Variants in ADARB2 observed in about 807,000 individuals in gnomAD.
The protein encoded by ADARB2 is inactive double-stranded RNA-specific editase B2.
ADARB2 carries 25 observed loss-of-function variants against 62.2 expected under a neutral mutation model. That is an observed-to-expected ratio of 0.40 (90% CI 0.29 to 0.56). ADARB2 has a LOEUF of 0.56. Ranked by LOEUF, ADARB2 falls within the 20% of genes least tolerant of loss-of-function variation. ADARB2 has a pLI of 0.43. For synonymous variants in ADARB2, 572 were observed against 500.8 expected, an observed-to-expected ratio of 1.14 and a Z score of -1.90; for missense variants, 1,071 against 1,077.4, an observed-to-expected ratio of 0.99 and a Z score of 0.08.
intron 1 of ADARB2, among the ~76,000 whole-genome samples, chr10:1,546,072 G>T (rs1474389234): frequency 1.3e-5 from 2 of 151,428 alleles, no homozygotes; most frequent in African/African-American, 4.9e-5. Context: ...GGAAGAGCAA[G>T]ACACCAGCCC....
intron 1 of ADARB2, among the ~76,000 whole-genome samples, chr10:1,448,642 T>G (rs1362186149): frequency 2.0e-5 from 3 of 152,218 alleles, no homozygotes; most frequent in Non-Finnish European, 2.9e-5. Flanking sequence ...GTTAACATCT[T>G]TATTTCCTGC....
intron 6 of ADARB2, among the ~76,000 whole-genome samples, chr10:1,225,732 G>A (rs56155307): frequency 0.19 from 23,860 of 124,378 alleles, 3,549 homozygotes; most frequent in East Asian, 0.33. Flanking sequence ...AATGTCGAAT[G>A]TTGGTCCCCA....
At chr10:1,506,933 C>T (rs1831860285) in intron 1 of ADARB2, among the ~76,000 whole-genome samples, 1 of 152,220 alleles carries the variant, frequency 6.6e-6, no homozygotes, top group Admixed American at 6.5e-5. Flanking sequence ...GAGCAGGTGG[C>T]TGGCTGCAGG....
intron 1 of ADARB2, among the ~76,000 whole-genome samples, chr10:1,529,246 TC>T (rs1385969730): frequency 3.1e-4 from 43 of 137,828 alleles, no homozygotes; most frequent in South Asian, 1.3e-3. Flanking sequence ...AATCCTCCAA[TC>T]AGTCCACGCA....
chr10:1,674,976 GGGTTTGGGGGGTA>G (rs1381900453), intron 1 of ADARB2: 10 of 953,332 alleles, frequency 1.0e-5, no homozygotes, highest in Admixed American at 1.6e-4. Flanking sequence ...CTGGAGGTTT[GGGTTTGGGGGGTA>G]CATGGATATT....
intron 6 of ADARB2, among the ~76,000 whole-genome samples, chr10:1,225,381 C>T (rs1443911519): frequency 2.0e-5 from 3 of 151,976 alleles, no homozygotes; most frequent in Admixed American, 2.0e-4. Context: ...CCAGTCTGTG[C>T]CTTTTAATTG....
intron 1 of ADARB2, among the ~76,000 whole-genome samples, chr10:1,579,046 C>T (rs1349926439): frequency 6.6e-6 from 1 of 152,164 alleles, no homozygotes; most frequent in Non-Finnish European, 1.5e-5. Flanking sequence ...ATCAGGATAC[C>T]ACGAGGTGGG....
chr10:1,524,987 A>G (rs1016226723), intron 1 of ADARB2, among the ~76,000 whole-genome samples: 1 of 152,032 alleles, frequency 6.6e-6, no homozygotes, highest in Admixed American at 6.6e-5. Context: ...TTACCTTTCC[A>G]TTTTCACAGC....
intron 1 of ADARB2, among the ~76,000 whole-genome samples, chr10:1,479,611 C>T (rs1038945596): frequency 3.3e-5 from 5 of 152,018 alleles, no homozygotes; most frequent in African/African-American, 4.8e-5. Context: ...GGCATTTGGG[C>T]GTATGGAGGG....
In ADARB2 at chr10:1,217,006, C is replaced by A; in HGVS notation, c.1627G>T (p.Gly543Cys). Residue 543 changes from glycine (G) to cysteine (C), a missense_variant, in exon 7 of 10, where the codon GGC (glycine) becomes TGC (cysteine). Gly to Cys is a radical substitution (Grantham distance 159, BLOSUM62 -3). Transcript: ENST00000381312. ...ATCAGCTGCTCCCCCAGCAGGACGC[C>A]GTCCCAGGTCTGCACTGCGCTGGGG... ...RGPSAVQTWD[G>C]VLLGEQLITM... is the part of the protein sequence containing the mutation. 1 of 1,610,906 alleles carries A rather than the reference C, an allele frequency of 6.2e-7. No homozygotes were observed. Among genetic ancestry groups the A allele is most frequent in the South Asian group, 1.1e-5 (1 of 90,912 alleles).
At chr10:1,407,340 C>T (rs566469040) in intron 1 of ADARB2, among the ~76,000 whole-genome samples, 1 of 152,148 alleles carries the variant, frequency 6.6e-6, no homozygotes, top group African/African-American at 2.4e-5. Context: ...GTCCCGGGTC[C>T]GACGTCTCCG....
chr10:1,675,563 G>C lies in ADARB2; in HGVS notation c.100+61488C>G. 1.3e-5 allele frequency among the ~76,000 whole-genome samples: 2 copies of C among 151,716 alleles called. 1 individual carries two copies. The highest frequency in any genetic ancestry group is 2.9e-5 in the Non-Finnish European group (2 of 67,914). On this transcript the variant is annotated intron_variant, in intron 1 of 9. Transcript: ENST00000381312. The stretch of plus-strand genomic sequence containing the variant: ...GGTTTGGGGGTACATGGATGTTCTG[G>C]AGGTTTGGGTTCAGGGATGCACGGA...
intron 3 of ADARB2, among the ~76,000 whole-genome samples, chr10:1,305,877 A>G (rs1831622357): frequency 1.3e-5 from 2 of 151,116 alleles, no homozygotes; most frequent in Non-Finnish European, 1.5e-5. Flanking sequence ...AACTCTCAAT[A>G]AATTAGGTAT....
chr10:1,259,411 TAAA>T (rs1432215549), intron 4 of ADARB2, among the ~76,000 whole-genome samples: 3 of 151,460 alleles, frequency 2.0e-5, no homozygotes, highest in South Asian at 2.1e-4. Context: ...GCAAGACTAA[TAAA>T]GAAGAAAAGA....
intron 3 of ADARB2, among the ~76,000 whole-genome samples, chr10:1,304,653 G>C (rs1226667324): frequency 1.3e-5 from 2 of 150,194 alleles, no homozygotes; most frequent in Non-Finnish European, 3.0e-5. Flanking sequence ...AAATGTAAAA[G>C]AACAGACATT....
chr10:1,227,695 C>T (rs573637489), intron 6 of ADARB2, among the ~76,000 whole-genome samples: 25 of 152,192 alleles, frequency 1.6e-4, no homozygotes, highest in South Asian at 1.5e-3. Context: ...ATCTAAAAAG[C>T]GATGCATGGT....
rs1834869086 is a variant in ADARB2, at chr10:1,704,896, A to T, written c.100+32155T>A. On this transcript the variant is annotated intron_variant, in intron 1 of 9. Transcript: ENST00000381312. This position sits in a 1 kb window ranked among gnomAD's most constrained non-coding sequence, Gnocchi z 5.6. ...GAGCCCAGCAGTTTATCATTTGAGC[A>T]GGAAAAGGGTGCAGGGGAGACCATG... is the stretch of plus-strand genomic sequence containing the variant. 6.6e-6 allele frequency among the ~76,000 whole-genome samples: 1 copy of T among 152,152 alleles called. No individual in the cohort carries two copies. The highest frequency in any genetic ancestry group is 2.4e-5 in the African/African-American group (1 of 41,436).
At chr10:1,732,698 C>T (rs1015551447) in intron 1 of ADARB2, among the ~76,000 whole-genome samples, 1 of 152,218 alleles carries the variant, frequency 6.6e-6, no homozygotes, top group Admixed American at 6.5e-5. Context: ...AGGACTGTGT[C>T]CCTGGCCAGC....
At chr10:1,273,572 T>G (rs1462479959) in intron 3 of ADARB2, among the ~76,000 whole-genome samples, 2 of 152,344 alleles carry the variant, frequency 1.3e-5, no homozygotes, top group African/African-American at 4.8e-5. Context: ...AGGTCAGGCC[T>G]GGCTGTGAGG....
Sources: allele counts gnomAD v4.1 joint callset (sites outside exome capture counted in the v4.1 genomes callset), GRCh38; gene constraint gnomAD v4.1.1; non-coding constraint Gnocchi (gnomAD v3.1); transcripts MANE v1.5; gene names NCBI Gene and HGNC (gene_info 2026-07-23, HGNC 2026-07-21).